Variants in IL31RA observed in about 807,000 individuals in gnomAD.
IL31RA encodes interleukin-31 receptor subunit alpha.
A neutral mutation model predicts 83.7 loss-of-function variants in IL31RA; 66 were observed. The ratio of observed to expected loss-of-function variants is 0.79; its 90% CI spans 0.65 to 0.97. The LOEUF is 0.97. Ranked by LOEUF, IL31RA falls within the 50% of genes least tolerant of loss-of-function variation. The pLI is 0.00. For synonymous variants in IL31RA, 325 were observed against 329.0 expected, an observed-to-expected ratio of 0.99 and a Z score of 0.13; for missense variants, 798 against 919.4, an observed-to-expected ratio of 0.87 and a Z score of 1.71.
At chr5:55,857,097 A>ATTTTT (rs35485505) in intron 1 of IL31RA, among the ~76,000 whole-genome samples, 1 of 145,956 alleles carries the variant, frequency 6.9e-6, no homozygotes. Flanking sequence ...ACCTTTTTGC[A>ATTTTT]TTTTTTTTTT....
At chr5:55,844,298 A>G in the IL31RA span, among the ~76,000 whole-genome samples, 1 of 152,194 alleles carries the variant, frequency 6.6e-6, no homozygotes, top group Admixed American at 6.5e-5. Flanking sequence ...AAATTGAGAT[A>G]ATTTGTTGCC....
intron 2 of IL31RA, among the ~76,000 whole-genome samples, chr5:55,867,897 A>G (rs1021854500): frequency 3.3e-5 from 5 of 152,198 alleles, no homozygotes; most frequent in African/African-American, 1.2e-4. Context: ...CCATGATTCA[A>G]TTACCTCCCC....
At chr5:55,880,579 G>A (rs1747147590) in intron 4 of IL31RA, among the ~76,000 whole-genome samples, 2 of 152,200 alleles carry the variant, frequency 1.3e-5, no homozygotes, top group African/African-American at 4.8e-5. Context: ...CAATGTTGAT[G>A]GAAACTGAAA....
At chr5:55,850,738 C>G (rs553487089), upstream of IL31RA, among the ~76,000 whole-genome samples, 28 of 152,262 alleles carry the variant, frequency 1.8e-4, 1 homozygote, top group African/African-American at 6.5e-4. Context: ...ATAGTCAATT[C>G]TCATTATTCC....
the IL31RA span, among the ~76,000 whole-genome samples, chr5:55,844,002 T>C: frequency 6.6e-6 from 1 of 152,216 alleles, no homozygotes; most frequent in Admixed American, 6.5e-5. Flanking sequence ...TTTTTTACTT[T>C]ATTTATTTGT....
intron 14 of IL31RA, among the ~76,000 whole-genome samples, chr5:55,916,111 G>A (rs779688832): frequency 9.2e-5 from 14 of 152,318 alleles, no homozygotes; most frequent in East Asian, 1.9e-4. Flanking sequence ...TGGGTACAGC[G>A]GCTCATGCCT....
At chr5:55,878,485 G>T (rs1441797270) in intron 4 of IL31RA, among the ~76,000 whole-genome samples, 2 of 152,204 alleles carry the variant, frequency 1.3e-5, no homozygotes, top group African/African-American at 4.8e-5. Context: ...CGTCTTTGCA[G>T]ACTGACTCTG....
In IL31RA at chr5:55,872,429, A is replaced by C; in HGVS notation, c.432A>C (p.Thr144=). 1 of 1,604,524 alleles carries C rather than the reference A, an allele frequency of 6.2e-7. No homozygotes were observed. The highest frequency in any genetic ancestry group is 2.2e-5 in the East Asian group (1 of 44,816). ...NGDGVIKSHM[T]YWRLENIAKT... is the part of the protein sequence containing the mutation. ...ATGGTGTAATTAAATCTCATATGAC[A>C]TACTGGAGATTAGAGAACATAGGTA... Residue 144 remains threonine (T), a synonymous_variant, in exon 4 of 15, where the codon ACA becomes ACC. Transcript: ENST00000652347.
the IL31RA span, among the ~76,000 whole-genome samples, chr5:55,844,213 C>A: frequency 9.9e-4 from 150 of 152,128 alleles, no homozygotes; most frequent in South Asian, 8.3e-4. Flanking sequence ...GAGAAAAAAA[C>A]CCCCACCAAC....
At chr5:55,900,485 C>T (rs147590468) in intron 8 of IL31RA, among the ~76,000 whole-genome samples, 2 of 152,262 alleles carry the variant, frequency 1.3e-5, no homozygotes, top group African/African-American at 4.8e-5. Context: ...CCTCCGTGAC[C>T]GAAGCTGCCC....
At chr5:55,872,801 G>A (rs1746613288) in intron 4 of IL31RA, among the ~76,000 whole-genome samples, 4 of 147,366 alleles carry the variant, frequency 2.7e-5, no homozygotes, top group African/African-American at 7.6e-5. Flanking sequence ...TAAACGAAAA[G>A]AGCATAAAAT....
At chr5:55,890,470 A>G (rs975460760) in intron 6 of IL31RA, among the ~76,000 whole-genome samples, 8 of 152,158 alleles carry the variant, frequency 5.3e-5, no homozygotes, top group African/African-American at 1.7e-4. Flanking sequence ...CCCGAGTTCA[A>G]GCAATTCTTG....
rs764936223 is a variant in IL31RA, at chr5:55,910,543, A to C, written c.1513A>C (p.Asn505His). 1.7e-5 allele frequency: 28 copies of C among 1,614,080 alleles called. No individual in the cohort carries two copies. In the African/African-American group the frequency reaches 3.1e-4, roughly 18 times the overall value. ...EGGKGFSKTV[N>H]SSILQYGLES... ...TATTTTTCCTTTAGCCAAGACAGTC[A>C]ATTCCAGCATCTTGCAGTACGGCCT... Residue 505 changes from asparagine to histidine, a missense_variant, in exon 12 of 15, where the codon AAT becomes CAT. Coordinates refer to ENST00000652347, the MANE Select transcript of IL31RA (RefSeq NM_139017.7).
rs1444937582 is a variant in IL31RA at position 55,917,371 on chromosome 5, C to G, written c.*251C>G. On this transcript the variant is annotated 3_prime_UTR_variant, in exon 15 of 15. Transcript: ENST00000652347. ...TCTTTTCGTTTGTTCAGATACCAAG[C>G]TCTCACCGAGGCCTCCTGACAGATT... The G allele has an allele frequency of 7.5e-7, 1 of 1,326,800 alleles. No homozygotes were observed. Among genetic ancestry groups the G allele is most frequent in the Non-Finnish European group, 9.7e-7 (1 of 1,026,832 alleles). 82.2% of individuals were successfully genotyped at this position (1,326,800 alleles called of 1,614,324 possible). A position where few individuals can be genotyped will look rare whatever the true frequency, so the allele number is the denominator to read the frequency against.
At position 55,898,066 on chromosome 5, in the gene IL31RA, G is replaced by C. The variant is rs572114222; in HGVS notation, c.852+1637G>C. On this transcript the variant is annotated intron_variant, in intron 7 of 14. Transcript: ENST00000652347. ...CTGCCGCCGCATGGGACAACAGCCAGAGATGGCGGGGAATCCTAGAGAATC... is the reference window on the plus strand; with the variant it reads ...CTGCCGCCGCATGGGACAACAGCCACAGATGGCGGGGAATCCTAGAGAATC... Among the ~76,000 whole-genome samples, 78 of 152,350 alleles carry C rather than the reference G, an allele frequency of 5.1e-4. No individual in the cohort carries two copies. In the East Asian group the frequency reaches 7.9e-3, roughly 15 times the overall value.
At position 55,921,648 on chromosome 5, in the gene IL31RA, G is replaced by C. The variant is rs1476415282; in HGVS notation, c.*4528G>C. Among the ~76,000 whole-genome samples, 1 of 152,200 alleles carries C rather than the reference G, an allele frequency of 6.6e-6. No homozygotes were observed. The highest frequency in any genetic ancestry group is 2.4e-5 in the African/African-American group (1 of 41,452). On this transcript the variant is annotated 3_prime_UTR_variant, in exon 15 of 15. Transcript: ENST00000652347. ...TGTCCTTTTCCACTGAGAATCAGCT[G>C]TCTACCACTGTGAGCTTGATTTTGT...
intron 2 of IL31RA, among the ~76,000 whole-genome samples, chr5:55,862,453 G>T (rs1410654919): frequency 1.3e-5 from 2 of 152,136 alleles, no homozygotes; most frequent in Non-Finnish European, 2.9e-5. Flanking sequence ...GCCCTGGCTG[G>T]AGTGGAGTTC....
chr5:55,918,925 C>T lies in IL31RA; in HGVS notation c.*1805C>T, dbSNP rs543330702. Among the ~76,000 whole-genome samples, 4 of 152,276 alleles carry T rather than the reference C, an allele frequency of 2.6e-5. No individual in the cohort carries two copies. The highest frequency in any genetic ancestry group is 1.9e-4 in the East Asian group (1 of 5,174). On this transcript the variant is annotated 3_prime_UTR_variant, in exon 15 of 15. Coordinates refer to ENST00000652347, the MANE Select transcript of IL31RA (RefSeq NM_139017.7). ...AGACTCTAGGGCAATGCCCCTGTCC[C>T]GTTGTCCTGCACTCAAGTCCAGGTG...
chr5:55,841,957 T>A, the IL31RA span, among the ~76,000 whole-genome samples: 87,206 of 149,342 alleles, frequency 0.58, 26,149 homozygotes, highest in Non-Finnish European at 0.68. Flanking sequence ...AAAAAAAAAA[T>A]TTTTTTAAGA....
Sources: gnomAD v4.1 joint callset for allele counts (sites outside exome capture counted in the v4.1 genomes callset) on GRCh38, gnomAD v4.1.1 for gene constraint, MANE v1.5 for transcripts, NCBI Gene and HGNC (gene_info 2026-07-23, HGNC 2026-07-21) for gene names.